RAB4A: variants seen among roughly 807,000 people sequenced by gnomAD.
RAB4A encodes the protein ras-related protein Rab-4A.
A neutral mutation model predicts 34.5 loss-of-function variants in RAB4A; 20 were observed. That is an observed-to-expected ratio of 0.58 (90% CI 0.41 to 0.84). RAB4A has a LOEUF of 0.84. RAB4A is among the 40% of genes least tolerant of loss of function. RAB4A has a pLI of 0.00. For missense variants in RAB4A, 228 were observed against 274.5 expected, an observed-to-expected ratio of 0.83 and a Z score of 1.20; for synonymous variants, 102 against 100.0, an observed-to-expected ratio of 1.02 and a Z score of -0.12.
intron 1 of RAB4A, among the ~76,000 whole-genome samples, chr1:229,283,724 A>G (rs1220852929): frequency 6.7e-6 from 1 of 149,498 alleles, no homozygotes; most frequent in Non-Finnish European, 1.5e-5. Flanking sequence ...CCACTCTTTC[A>G]GAGTCTTTTT....
At chr1:229,275,962 G>T (rs237749) in intron 1 of RAB4A, among the ~76,000 whole-genome samples, 96,791 of 150,616 alleles carry the variant, frequency 0.64, 31,808 homozygotes, top group African/African-American at 0.69. Context: ...TTCCAATAAA[G>T]TATGAAATAA....
intron 6 of RAB4A, among the ~76,000 whole-genome samples, chr1:229,300,825 A>G (rs551973542): frequency 7.9e-5 from 12 of 152,182 alleles, no homozygotes; most frequent in Non-Finnish European, 1.8e-4. Flanking sequence ...TCCGGAGAAC[A>G]GTGTTTAAGG....
At chr1:229,289,752 G>T (rs1422552590) in intron 3 of RAB4A, among the ~76,000 whole-genome samples, 1 of 152,192 alleles carries the variant, frequency 6.6e-6, no homozygotes, top group Non-Finnish European at 1.5e-5. Context: ...GGAGGTGGAG[G>T]TTGCAGTGAG....
In RAB4A at chr1:229,304,414, A is replaced by G. The variant is rs1657494134; in HGVS notation, c.*621A>G. On this transcript the variant is annotated 3_prime_UTR_variant, in exon 8 of 8. Coordinates refer to ENST00000366690, the MANE Select transcript of RAB4A (RefSeq NM_004578.4). ...AAAATTGAGTTTTTCCGTGAACTTTATACTGTCCAGCTCTGTTGATTTTAA... is the reference window on the plus strand; with the variant it reads ...AAAATTGAGTTTTTCCGTGAACTTTGTACTGTCCAGCTCTGTTGATTTTAA... The G allele has an allele frequency of 6.6e-6, 1 of 152,070 alleles. No individual in the cohort carries two copies. Among genetic ancestry groups the G allele is most frequent in the Admixed American group, 6.6e-5 (1 of 15,258 alleles). 9.4% of individuals were successfully genotyped at this position (152,070 alleles called of 1,614,324 possible).
intron 5 of RAB4A, among the ~76,000 whole-genome samples, chr1:229,298,760 C>A (rs1158487866): frequency 6.6e-6 from 1 of 152,166 alleles, no homozygotes; most frequent in South Asian, 2.1e-4. Flanking sequence ...AGTGCTAGCA[C>A]AAGATAGCAG....
intron 3 of RAB4A, among the ~76,000 whole-genome samples, chr1:229,289,510 C>T (rs888653420): frequency 1.9e-4 from 29 of 152,286 alleles, no homozygotes; most frequent in Admixed American, 3.9e-4. Context: ...GAGTACATGT[C>T]GTATATTAAA....
chr1:229,276,108 A>G (rs1656637915), intron 1 of RAB4A, among the ~76,000 whole-genome samples: 1 of 151,444 alleles, frequency 6.6e-6, no homozygotes, highest in Non-Finnish European at 1.5e-5. Flanking sequence ...ATATATGATT[A>G]TACATGTTTG....
chr1:229,305,029 C>CT lies in RAB4A; in HGVS notation c.*1241dup, dbSNP rs893552310. The CT allele has an allele frequency of 2.3e-6, 3 of 1,296,948 alleles. No homozygotes were observed. Among genetic ancestry groups the CT allele is most frequent in the Non-Finnish European group, 2.0e-6 (2 of 993,254 alleles). The allele number at this position is 1,296,948 out of a possible 1,614,324, so 80.3% of individuals were successfully genotyped here. ...CCTTATATATGTTCTTCCACTGTGA[C>CT]TTTTTAGTTGAAGACTAGTAAATTA... is the stretch of plus-strand genomic sequence containing the variant. On this transcript the variant is annotated 3_prime_UTR_variant, in exon 8 of 8. Transcript: ENST00000366690.
intron 3 of RAB4A, among the ~76,000 whole-genome samples, chr1:229,294,518 G>C (rs1353307011): frequency 6.6e-6 from 1 of 152,242 alleles, no homozygotes; most frequent in Admixed American, 6.5e-5. Context: ...AGAAGAGGAA[G>C]CTGCAGGTAA....
intron 1 of RAB4A, among the ~76,000 whole-genome samples, chr1:229,278,433 T>C (rs1324802066): frequency 6.6e-6 from 1 of 152,200 alleles, no homozygotes; most frequent in Non-Finnish European, 1.5e-5. Context: ...CCACATCAGC[T>C]ATTTTAAACC....
At chr1:229,284,308 G>A (rs1297753825) in intron 1 of RAB4A, among the ~76,000 whole-genome samples, 7 of 151,514 alleles carry the variant, frequency 4.6e-5, no homozygotes, top group East Asian at 1.9e-4. Context: ...GCTGTTGGCC[G>A]GGCTGGTCTC....
chr1:229,291,688 A>AC (rs755636997), intron 3 of RAB4A, among the ~76,000 whole-genome samples: 60 of 152,296 alleles, frequency 3.9e-4, no homozygotes, highest in Non-Finnish European at 7.2e-4. Flanking sequence ...ATTAAAGGAA[A>AC]CCCAGTTACC....
intron 2 of RAB4A, among the ~76,000 whole-genome samples, chr1:229,288,290 T>G (rs1656977129): frequency 6.6e-6 from 1 of 152,182 alleles, no homozygotes; most frequent in Admixed American, 6.5e-5. Flanking sequence ...TGTTATTTCT[T>G]TAAAATATTT....
chr1:229,275,120 G>A (rs184452457), intron 1 of RAB4A, among the ~76,000 whole-genome samples: 8 of 152,246 alleles, frequency 5.3e-5, no homozygotes, highest in South Asian at 2.1e-4. Flanking sequence ...GAATGTGACC[G>A]CATTTGGAAA....
Position 229,305,523 on chromosome 1 carries a change from A to G in RAB4A, c.*1730A>G, listed in dbSNP as rs1001694618. On this transcript the variant is annotated 3_prime_UTR_variant, in exon 8 of 8. Transcript: ENST00000366690. The stretch of plus-strand genomic sequence containing the variant: ...AACCAAACCATGGTGGTTCTTAATC[A>G]GGCTTTGCCTTTAGGGAGAATGAGG... The G allele has an allele frequency of 5.2e-6, 2 of 381,288 alleles. No homozygotes were observed. The highest frequency in any genetic ancestry group is 9.6e-6 in the Non-Finnish European group (2 of 209,138). 23.6% of individuals were successfully genotyped at this position (381,288 alleles called of 1,614,324 possible).
intron 1 of RAB4A, among the ~76,000 whole-genome samples, chr1:229,280,892 G>A (rs940178006): frequency 3.3e-5 from 5 of 151,944 alleles, no homozygotes; most frequent in African/African-American, 7.3e-5. Context: ...CAATTTTTTC[G>A]GATTGACTTT....
chr1:229,271,369 C>T lies in RAB4A; in HGVS notation c.30C>T (p.Tyr10=), dbSNP rs1451485078. 9 of 1,262,870 alleles carry T rather than the reference C, an allele frequency of 7.1e-6. No homozygotes were observed. In the South Asian group the frequency reaches 2.2e-4, roughly 31 times the overall value. 78.2% of individuals were successfully genotyped at this position (1,262,870 alleles called of 1,614,324 possible). A position where few individuals can be genotyped will look rare whatever the true frequency, so the allele number is the denominator to read the frequency against. Residue 10 remains tyrosine (Y), a splice_region_variant and synonymous_variant, in exon 1 of 8, where the codon TAC becomes TAT. Coordinates refer to ENST00000366690, the MANE Select transcript of RAB4A (RefSeq NM_004578.4). ...CGCAGACGGCCATGTCCGAAACCTACGGTACGAGGCCCGGGCTGGCGGGGC... is the reference window on the plus strand; with the variant it reads ...CGCAGACGGCCATGTCCGAAACCTATGGTACGAGGCCCGGGCTGGCGGGGC... MSQTAMSET[Y]DFLFKFLVIG...
At chr1:229,297,779 A>G (rs1657286901) in intron 5 of RAB4A, 143 bp downstream of exon 5, 1 of 957,796 alleles carries the variant, frequency 1.0e-6, no homozygotes, top group African/African-American at 1.7e-5. Context: ...TTTTTCTATA[A>G]ATTAGACCTA....
chr1:229,299,111 T>A, intron 6 of RAB4A, 39 bp downstream of exon 6: 1 of 1,381,886 alleles, frequency 7.2e-7, no homozygotes, highest in Non-Finnish European at 1.0e-6. Flanking sequence ...CTTCTGCATA[T>A]TTTACACTGT....
Sources: gnomAD v4.1 joint callset for allele counts (sites outside exome capture counted in the v4.1 genomes callset) on GRCh38, gnomAD v4.1.1 for gene constraint, MANE v1.5 for transcripts, NCBI Gene and HGNC (gene_info 2026-07-23, HGNC 2026-07-21) for gene names.